MYZAP: variants seen among roughly 807,000 people sequenced by gnomAD.
MYZAP encodes myocardial zonula adherens protein, also known as GRINL1A complex locus upstream.
In MYZAP, 66 loss-of-function variants were observed where a neutral mutation model predicts 69.4. That is an observed-to-expected ratio of 0.95 (90% CI 0.78 to 1.17). The LOEUF is 1.17. Among genes scored for constraint, MYZAP ranks in the 50% most tolerant of loss-of-function variants. The pLI is 0.00. For missense variants in MYZAP, 611 were observed against 556.2 expected, an observed-to-expected ratio of 1.10 and a Z score of -0.99; for synonymous variants, 256 against 205.9, an observed-to-expected ratio of 1.24 and a Z score of -2.09.
In MYZAP at chr15:57,604,271, A is replaced by G; in HGVS notation, c.78A>G (p.Ala26=). The change falls in exon 2 of 13, where the codon GCA becomes GCG. Residue 26 remains alanine, a splice_region_variant and synonymous_variant. Transcript: ENST00000267853. The part of the protein sequence containing the change: ...ARTPGAPSRR[A]NVCRLRLTVP... ...CCTCTCCTTTCCCTCTCTTCTAGGC[A>G]AATGTTTGCAGACTACGGCTGACCG... The G allele has an allele frequency of 6.2e-7, 1 of 1,614,136 alleles. No homozygotes were observed. The highest frequency in any genetic ancestry group is 8.5e-7 in the Non-Finnish European group (1 of 1,180,018).
Position 57,625,791 on chromosome 15 carries a change from C to T in MYZAP, c.424C>T (p.Gln142Ter). 1.2e-6 allele frequency: 2 copies of T among 1,614,076 alleles called. No individual in the cohort carries two copies. The highest frequency in any genetic ancestry group is 2.2e-5 in the East Asian group (1 of 44,870). ...TCGATCTGTCCAGGTTTCCCATGCT[C>T]AGCAGGAGTATCTGGAGAATCACAT... The part of the protein sequence containing the change: ...LTQELSVSHA[Q>*]QEYLENHIQT... Residue 142 changes from glutamine (Q) to a stop codon, truncating the protein, a stop_gained, in exon 5 of 13, where the codon CAG becomes TAG. Transcript: ENST00000267853. LOFTEE classifies it high-confidence loss of function.
chr15:57,665,233 G>A (rs1458180255), intron 11 of MYZAP, among the ~76,000 whole-genome samples: 7 of 152,208 alleles, frequency 4.6e-5, no homozygotes, highest in African/African-American at 1.7e-4. Flanking sequence ...GCAGTCCTTT[G>A]CCTGCAGCAA....
chr15:57,644,741 C>G (rs944257808), intron 10 of MYZAP, among the ~76,000 whole-genome samples: 4 of 152,202 alleles, frequency 2.6e-5, no homozygotes, highest in African/African-American at 9.7e-5. Flanking sequence ...GTTGGGATTA[C>G]AGGCGTGAGC....
intron 12 of MYZAP, among the ~76,000 whole-genome samples, chr15:57,679,376 T>TGTGTGTGTGTGTGTGTG (rs57864057): frequency 7.4e-6 from 1 of 135,792 alleles, no homozygotes; most frequent in South Asian, 2.3e-4. Flanking sequence ...GTGTGTGTGT[T>TGTGTGTGTGTGTGTGTG]TCTCTCTCTC....
rs763856721 is a variant in MYZAP, at chr15:57,616,822, C to CTTTTTTTTTTTTTTTTTTTTTTTTTTT, written c.163-1186_163-1185insTTTTTTTTTTTTTTTTTTTTTTTTTTT. On this transcript the variant is annotated intron_variant, in intron 2 of 12. Coordinates refer to ENST00000267853, the MANE Select transcript of MYZAP (RefSeq NM_001018100.5). Reference sequence around the variant, plus strand: ...GAGACTCCATCTAAAAAAAAAAGTGCTTTTTTTTTTTTTTTTTTTTTTTTT... The same window carrying CTTTTTTTTTTTTTTTTTTTTTTTTTTT: ...GAGACTCCATCTAAAAAAAAAAGTGCTTTTTTTTTTTTTTTTTTTTTTTTTTTTTTTTTTTTTTTTTTTTTTTTTTTT... 7.0e-4 allele frequency among the ~76,000 whole-genome samples: 35 copies of CTTTTTTTTTTTTTTTTTTTTTTTTTTT among 50,060 alleles called. 7 individuals carry two copies. Among genetic ancestry groups the CTTTTTTTTTTTTTTTTTTTTTTTTTTT allele is most frequent in the East Asian group, 1.9e-3 (2 of 1,026 alleles). The allele number at this position is 50,060 out of a possible 152,430, so 32.8% of individuals were successfully genotyped here.
intron 11 of MYZAP, among the ~76,000 whole-genome samples, chr15:57,674,648 A>G (rs1014996488): frequency 6.6e-6 from 1 of 152,264 alleles, no homozygotes; most frequent in African/African-American, 2.4e-5. Context: ...TTGTTGACAT[A>G]AAAAGAAAAC....
chr15:57,681,880 GGGAGACATGCAAAGTTTAAAATA>G (rs2039465291), intron 12 of MYZAP, among the ~76,000 whole-genome samples: 1 of 152,104 alleles, frequency 6.6e-6, no homozygotes, highest in African/African-American at 2.4e-5. Flanking sequence ...AATCTCCTGG[GGGAGACATGCAAAGTTTAAAATA>G]CACCCCCTGC....
At chr15:57,674,003 A>T (rs1013510147) in intron 11 of MYZAP, among the ~76,000 whole-genome samples, 3 of 152,254 alleles carry the variant, frequency 2.0e-5, no homozygotes, top group African/African-American at 7.2e-5. Flanking sequence ...TGAGCATACA[A>T]CCAGGAAGAT....
At chr15:57,674,926 C>T in intron 11 of MYZAP, 42 bp from the exon 12 acceptor site, 1 of 1,540,026 alleles carries the variant, frequency 6.5e-7, no homozygotes. Context: ...TGAGGGGGAA[C>T]ATATTTGACT....
rs1424912093 is a variant in MYZAP at position 57,669,152 on chromosome 15, G to T, written c.1204-5816G>T. ...GATCAGCCCATGTCGGGTTCCCAAAGTACTGGGATTATAGGCATGAGCCAC... is the reference window on the plus strand; with the variant it reads ...GATCAGCCCATGTCGGGTTCCCAAATTACTGGGATTATAGGCATGAGCCAC... On this transcript the variant is annotated intron_variant, in intron 11 of 12. Coordinates refer to ENST00000267853, the MANE Select transcript of MYZAP (RefSeq NM_001018100.5). Among the ~76,000 whole-genome samples the T allele has an allele frequency of 2.6e-5, 4 of 152,100 alleles. No individual in the cohort carries two copies. In the South Asian group the frequency reaches 6.2e-4, roughly 24 times the overall value.
At chr15:57,647,386 T>A in intron 10 of MYZAP, 1 of 985,458 alleles carries the variant, frequency 1.0e-6, no homozygotes, top group Non-Finnish European at 1.2e-6. Context: ...CTTAGTGTTG[T>A]TACCTACACT....
chr15:57,619,700 T>C (rs772268012), intron 3 of MYZAP, among the ~76,000 whole-genome samples: 2 of 152,218 alleles, frequency 1.3e-5, no homozygotes, highest in Non-Finnish European at 2.9e-5. Context: ...CTGAATTTCC[T>C]GTTAAGAATA....
intron 10 of MYZAP, among the ~76,000 whole-genome samples, chr15:57,651,923 C>T (rs1283257459): frequency 1.3e-5 from 2 of 152,136 alleles, no homozygotes; most frequent in African/African-American, 2.4e-5. Flanking sequence ...GTTGGGTTAT[C>T]TTTAATATAA....
intron 2 of MYZAP, among the ~76,000 whole-genome samples, chr15:57,609,998 G>C (rs1465113482): frequency 3.3e-5 from 5 of 152,126 alleles, no homozygotes; most frequent in African/African-American, 1.2e-4. Flanking sequence ...TTAGCATATT[G>C]AATCAGGGCC....
intron 10 of MYZAP, chr15:57,647,369 A>T (rs1458556989): frequency 1.2e-5 from 12 of 985,254 alleles, no homozygotes; most frequent in East Asian, 2.3e-4. Flanking sequence ...TCTCATCTGG[A>T]TGTTAGCTTA....
In MYZAP at chr15:57,621,692, G is replaced by A. The variant is rs753880816; in HGVS notation, c.403G>A (p.Glu135Lys). ...MRQKIRQLTQ[E>K]LSVSHAQQEY... ...ACAGAAGATTCGACAGCTCACCCAG[G>A]AACTATCAGTAAGTCATTATCTCAG... The change falls in exon 4 of 13, where the codon GAA becomes AAA. Residue 135 changes from glutamate (E) to lysine (K), a missense_variant. Coordinates refer to ENST00000267853, the MANE Select transcript of MYZAP (RefSeq NM_001018100.5). 6.2e-7 allele frequency: 1 copy of A among 1,613,766 alleles called. No individual in the cohort carries two copies. The highest frequency in any genetic ancestry group is 1.1e-5 in the South Asian group (1 of 91,050).
intron 10 of MYZAP, chr15:57,648,255 G>A (rs768843106): frequency 4.4e-5 from 43 of 985,236 alleles, no homozygotes; most frequent in Non-Finnish European, 5.2e-5. Context: ...ACAGGTATTG[G>A]TTTCGGTATT....
At chr15:57,607,639 A>G (rs1055981952) in intron 2 of MYZAP, among the ~76,000 whole-genome samples, 2 of 152,296 alleles carry the variant, frequency 1.3e-5, no homozygotes, top group South Asian at 4.1e-4. Flanking sequence ...CTGGGATAGC[A>G]TATGCACCAG....
chr15:57,656,218 A>C (rs1286489889), intron 10 of MYZAP, among the ~76,000 whole-genome samples: 2 of 152,160 alleles, frequency 1.3e-5, no homozygotes, highest in African/African-American at 4.8e-5. Context: ...CTGGGCCTCC[A>C]AGCATCTGAT....
Sources: allele counts gnomAD v4.1 joint callset (sites outside exome capture counted in the v4.1 genomes callset), GRCh38; gene constraint gnomAD v4.1.1; transcripts MANE v1.5; gene names NCBI Gene and HGNC (gene_info 2026-07-23, HGNC 2026-07-21).